The following SRPK2 variants were observed in gnomAD, a reference collection of about 807,000 sequenced individuals.
SRPK2 encodes the protein SRSF protein kinase 2.
SRPK2 carries 21 observed loss-of-function variants against 90.8 expected under a neutral mutation model. The observed-to-expected ratio is 0.23, with a 90% CI of 0.16 to 0.33. SRPK2 has a LOEUF of 0.33. Ranked by LOEUF, SRPK2 falls within the 10% of genes least tolerant of loss-of-function variation. The pLI is 1.00. For synonymous variants in SRPK2, 288 were observed against 311.1 expected (o/e 0.93, Z 0.78); for missense variants, 620 against 869.0 (o/e 0.71, Z 3.60).
chr7:105,261,202 A>T (rs1804225501), intron 2 of SRPK2, among the ~76,000 whole-genome samples: 1 of 152,180 alleles, frequency 6.6e-6, no homozygotes, highest in Admixed American at 6.5e-5. Context: ...AATAAATGTA[A>T]CAATAAGCTG....
chr7:105,289,582 T>C (rs1467038154), intron 2 of SRPK2, among the ~76,000 whole-genome samples: 3 of 152,210 alleles, frequency 2.0e-5, no homozygotes, highest in Non-Finnish European at 4.4e-5. Flanking sequence ...AGACCTATCA[T>C]TAAAGTGATC....
intron 3 of SRPK2, among the ~76,000 whole-genome samples, chr7:105,176,557 A>ATGTGTGTGTG (rs10691783): frequency 3.4e-5 from 5 of 148,134 alleles, no homozygotes; most frequent in African/African-American, 1.3e-4. Context: ...TTTTGCATAT[A>ATGTGTGTGTG]TGTGTGTGTG....
rs574838358 is a variant in SRPK2, at chr7:105,350,262, G to T, written c.71+38386C>A. 8.7e-5 allele frequency among the ~76,000 whole-genome samples: 13 copies of T among 149,502 alleles called. No homozygotes were observed. The East Asian group carries it at 2.6e-3, about 30-fold the overall frequency. On this transcript the variant is annotated intron_variant, in intron 2 of 15. Coordinates refer to ENST00000393651, the MANE Select transcript of SRPK2 (RefSeq NM_182692.3). Reference sequence around the variant, plus strand: ...TTCTCCAGCCTCAGCCACCCGAGTAGCTGGGATTATAGGCACATGCCACCA... The same window carrying T: ...TTCTCCAGCCTCAGCCACCCGAGTATCTGGGATTATAGGCACATGCCACCA...
At chr7:105,252,780 T>C (rs1802662006) in intron 2 of SRPK2, among the ~76,000 whole-genome samples, 1 of 151,066 alleles carries the variant, frequency 6.6e-6, no homozygotes, top group East Asian at 1.9e-4. Flanking sequence ...TCTCCCTCTG[T>C]TGCCCAGGCT....
At chr7:105,251,106 AT>A (rs1802425657) in intron 2 of SRPK2, among the ~76,000 whole-genome samples, 1 of 152,248 alleles carries the variant, frequency 6.6e-6, no homozygotes, top group Non-Finnish European at 1.5e-5. Flanking sequence ...GTACTTTGAA[AT>A]AAATACTTAC....
intron 2 of SRPK2, among the ~76,000 whole-genome samples, chr7:105,211,741 C>A (rs1409732997): frequency 6.6e-6 from 1 of 152,172 alleles, no homozygotes; most frequent in Non-Finnish European, 1.5e-5. Flanking sequence ...GGACATAGAT[C>A]CAAACTATAT....
intron 2 of SRPK2, among the ~76,000 whole-genome samples, chr7:105,373,248 C>T (rs1294507330): frequency 6.6e-6 from 1 of 151,990 alleles, no homozygotes; most frequent in African/African-American, 2.4e-5. Flanking sequence ...AAAAAAGATA[C>T]TAATGCTAAT....
intron 2 of SRPK2, among the ~76,000 whole-genome samples, chr7:105,383,053 ATTTTTTTTT>A (rs1161926443): frequency 9.8e-6 from 1 of 101,666 alleles, no homozygotes; most frequent in Non-Finnish European, 2.0e-5. Flanking sequence ...AAAAGTAAAA[ATTTTTTTTT>A]TTTTTTTTTT....
At chr7:105,323,169 G>A (rs1295349102) in intron 2 of SRPK2, among the ~76,000 whole-genome samples, 4 of 151,952 alleles carry the variant, frequency 2.6e-5, no homozygotes, top group African/African-American at 4.8e-5. Context: ...CAGCCTGGGC[G>A]ACAGAGTGAG....
At chr7:105,119,627 G>A (rs1474181947) in intron 15 of SRPK2, among the ~76,000 whole-genome samples, 4 of 152,198 alleles carry the variant, frequency 2.6e-5, no homozygotes, top group Non-Finnish European at 5.9e-5. Context: ...CTGTGTTGAT[G>A]AAGAAATGAA....
intron 2 of SRPK2, among the ~76,000 whole-genome samples, chr7:105,345,201 AG>A (rs1816317366): frequency 8.0e-6 from 1 of 124,716 alleles, no homozygotes; most frequent in Admixed American, 8.7e-5. Context: ...AGGGGAGGGG[AG>A]GGGAAGGGAG....
intron 2 of SRPK2, among the ~76,000 whole-genome samples, chr7:105,314,986 C>T (rs1489558656): frequency 6.6e-6 from 1 of 152,038 alleles, no homozygotes; most frequent in East Asian, 1.9e-4. Flanking sequence ...AATAAAGAAA[C>T]AATTTATGAG....
chr7:105,347,531 GC>G (rs1816606702), intron 2 of SRPK2, among the ~76,000 whole-genome samples: 1 of 152,020 alleles, frequency 6.6e-6, no homozygotes, highest in African/African-American at 2.4e-5. Flanking sequence ...GAGATATTCA[GC>G]CGAAGAATGA....
At chr7:105,161,200 C>T (rs1316866269) in intron 6 of SRPK2, among the ~76,000 whole-genome samples, 1 of 152,152 alleles carries the variant, frequency 6.6e-6, no homozygotes, top group Non-Finnish European at 1.5e-5. Flanking sequence ...GCTGGGATTA[C>T]AGGCATGAGC....
chr7:105,372,526 A>G (rs545343943), intron 2 of SRPK2, among the ~76,000 whole-genome samples: 13 of 152,280 alleles, frequency 8.5e-5, no homozygotes, highest in African/African-American at 2.9e-4. Flanking sequence ...GACATACACA[A>G]CAACCAAATA....
intron 11 of SRPK2, among the ~76,000 whole-genome samples, chr7:105,139,981 A>C (rs184404152): frequency 6.6e-6 from 1 of 152,208 alleles, no homozygotes; most frequent in Non-Finnish European, 1.5e-5. Flanking sequence ...CTCTGATATA[A>C]AACGGTGTAG....
intron 2 of SRPK2, among the ~76,000 whole-genome samples, chr7:105,250,814 T>C (rs1048623473): frequency 5.3e-5 from 8 of 152,168 alleles, no homozygotes; most frequent in African/African-American, 7.2e-5. Flanking sequence ...ATTAAACAAG[T>C]AGATGAACCG....
At chr7:105,289,100 C>CAAAAAAAAAAAAAAA (rs57131530) in intron 2 of SRPK2, among the ~76,000 whole-genome samples, 1 of 86,656 alleles carries the variant, frequency 1.2e-5, no homozygotes, top group African/African-American at 4.6e-5. Flanking sequence ...ACTTAAAGCA[C>CAAAAAAAAAAAAAAA]AAAAAAAAAA....
chr7:105,224,246 C>T (rs1798445984), intron 2 of SRPK2, among the ~76,000 whole-genome samples: 1 of 152,010 alleles, frequency 6.6e-6, no homozygotes, highest in African/African-American at 2.4e-5. Context: ...TAATTTTTTT[C>T]ATAAAGGTCA....
Sources: gnomAD v4.1 joint callset for allele counts (sites outside exome capture counted in the v4.1 genomes callset) on GRCh38, gnomAD v4.1.1 for gene constraint, MANE v1.5 for transcripts, NCBI Gene and HGNC (gene_info 2026-07-23, HGNC 2026-07-21) for gene names.